VOPP1: variants seen among roughly 807,000 people sequenced by gnomAD.
VOPP1 encodes VOPP1 WW domain binding protein.
In VOPP1, 8 loss-of-function variants were observed where a neutral mutation model predicts 23.5. The observed-to-expected ratio is 0.34, with a 90% CI of 0.20 to 0.61. The LOEUF (loss-of-function observed/expected upper bound fraction) is 0.61. Among genes scored for constraint, VOPP1 ranks in the 20% least tolerant of loss-of-function variants. The pLI, the probability that VOPP1 is intolerant of heterozygous loss-of-function variation, is 0.78. For missense variants in VOPP1, 174 were observed against 238.1 expected (o/e 0.73, Z 1.77); for synonymous variants, 83 against 97.3 (o/e 0.85, Z 0.86).
chr7:55,473,897 A>G (rs899111670), intron 4 of VOPP1, among the ~76,000 whole-genome samples: 3 of 152,144 alleles, frequency 2.0e-5, no homozygotes, highest in Non-Finnish European at 4.4e-5. Flanking sequence ...CCCTGTGTGA[A>G]TATTGTGTAG....
At chr7:55,466,720 T>G (rs145095191), downstream of VOPP1, among the ~76,000 whole-genome samples, 1 of 152,302 alleles carries the variant, frequency 6.6e-6, no homozygotes, top group East Asian at 1.9e-4. Context: ...CTCAAACTCT[T>G]GGGTTCAAGT....
rs1035909989 is a variant in VOPP1, at chr7:55,537,688, A to C, written c.55-16558T>G. The C allele has an allele frequency of 3.8e-5, 55 of 1,461,374 alleles. No homozygotes were observed. The African/African-American group carries it at 6.3e-4, about 17-fold the overall frequency. The allele number at this position is 1,461,374 out of a possible 1,614,324, so 90.5% of individuals were successfully genotyped here. On this transcript the variant is annotated intron_variant, in intron 1 of 4. Transcript: ENST00000285279. ...GTATCCTCCTCTGTTGAGTGGTGAGAACATCTACCATGGAGGACGCTACAA... is the reference window on the plus strand; with the variant it reads ...GTATCCTCCTCTGTTGAGTGGTGAGCACATCTACCATGGAGGACGCTACAA...
intron 2 of VOPP1, among the ~76,000 whole-genome samples, chr7:55,517,491 G>A (rs11238367): frequency 0.58 from 87,500 of 151,944 alleles, 27,663 homozygotes; most frequent in Non-Finnish European, 0.68. Context: ...AGGCCAGGCC[G>A]GCAGCAGTGT....
At chr7:55,514,450 T>C (rs2129036999) in intron 2 of VOPP1, among the ~76,000 whole-genome samples, 1 of 152,252 alleles carries the variant, frequency 6.6e-6, no homozygotes, top group South Asian at 2.1e-4. Flanking sequence ...TCCAGCCCCT[T>C]AAATATTTTC....
At chr7:55,559,628 A>G (rs550013906) in intron 1 of VOPP1, among the ~76,000 whole-genome samples, 2 of 152,240 alleles carry the variant, frequency 1.3e-5, no homozygotes, top group Non-Finnish European at 2.9e-5. Context: ...TGCAATTCAG[A>G]AAGTCAGAGA....
intron 2 of VOPP1, among the ~76,000 whole-genome samples, chr7:55,518,386 C>T (rs77208126): frequency 0.011 from 1,675 of 152,314 alleles, 11 homozygotes; most frequent in Middle Eastern, 0.02. Flanking sequence ...GAACTCTGCA[C>T]GAACATGATT....
intron 2 of VOPP1, among the ~76,000 whole-genome samples, chr7:55,500,656 C>T (rs1222495089): frequency 6.6e-6 from 1 of 152,224 alleles, no homozygotes; most frequent in Admixed American, 6.5e-5. Flanking sequence ...AAGAAGAACA[C>T]AGCTTACAGG....
At chr7:55,562,176 C>T in intron 1 of VOPP1, 3 of 680,242 alleles carry the variant, frequency 4.4e-6, no homozygotes, top group Non-Finnish European at 8.1e-6. Flanking sequence ...GAAAGCTTTC[C>T]AAGGGCGCTC....
chr7:55,451,449 A>T (rs1253330960), intron 4 of VOPP1, among the ~76,000 whole-genome samples: 1 of 152,242 alleles, frequency 6.6e-6, no homozygotes, highest in East Asian at 1.9e-4. Flanking sequence ...TATGAAGTGC[A>T]CAACAGCATT....
chr7:55,550,536 T>A (rs1015521432), intron 1 of VOPP1, among the ~76,000 whole-genome samples: 2 of 152,238 alleles, frequency 1.3e-5, no homozygotes, highest in Non-Finnish European at 2.9e-5. Context: ...GCATTCTATT[T>A]CTAGAAATCC....
intron 4 of VOPP1, among the ~76,000 whole-genome samples, chr7:55,490,172 G>A (rs1353733420): frequency 2.0e-5 from 3 of 152,082 alleles, no homozygotes; most frequent in Non-Finnish European, 4.4e-5. Context: ...TAGCACGGCC[G>A]ATGTGCTTCT....
chr7:55,500,662 AC>A (rs1225697637), intron 2 of VOPP1, among the ~76,000 whole-genome samples: 1 of 152,262 alleles, frequency 6.6e-6, no homozygotes, highest in Non-Finnish European at 1.5e-5. Flanking sequence ...AACACAGCTT[AC>A]AGGTTATGAG....
intron 4 of VOPP1, among the ~76,000 whole-genome samples, chr7:55,491,173 C>T (rs920568387): frequency 2.0e-5 from 3 of 152,218 alleles, no homozygotes; most frequent in East Asian, 1.9e-4. Context: ...ATAAACATCT[C>T]TATTACCTAC....
At chr7:55,521,890 C>T in intron 1 of VOPP1, 1 of 985,706 alleles carries the variant, frequency 1.0e-6, no homozygotes, top group Non-Finnish European at 1.2e-6. Flanking sequence ...CTCTTCCCAT[C>T]TGAACAAGGC....
At chr7:55,531,483 G>C (rs1398090357) in intron 1 of VOPP1, among the ~76,000 whole-genome samples, 2 of 151,622 alleles carry the variant, frequency 1.3e-5, no homozygotes, top group African/African-American at 4.9e-5. Context: ...CCAAGTAGCT[G>C]GGATTACAGG....
chr7:55,528,239 A>AT (rs912112086), intron 1 of VOPP1, among the ~76,000 whole-genome samples: 9 of 152,170 alleles, frequency 5.9e-5, no homozygotes, highest in African/African-American at 2.2e-4. Context: ...CTAGAATTGT[A>AT]TTTTTTGTTA....
chr7:55,492,500 A>T, intron 3 of VOPP1, 82 bp from the exon 4 acceptor site: 4 of 1,463,178 alleles, frequency 2.7e-6, no homozygotes, highest in Non-Finnish European at 3.6e-6. Context: ...GGCCTCATGC[A>T]CTCCTCGGGG....
intron 4 of VOPP1, among the ~76,000 whole-genome samples, chr7:55,460,775 A>G (rs1791479870): frequency 6.6e-6 from 1 of 151,916 alleles, no homozygotes; most frequent in African/African-American, 2.4e-5. Flanking sequence ...TTTATCAGAT[A>G]TAACTATAGC....
At chr7:55,446,380 T>C (rs894804702) in intron 4 of VOPP1, among the ~76,000 whole-genome samples, 3 of 152,236 alleles carry the variant, frequency 2.0e-5, no homozygotes, top group African/African-American at 7.2e-5. Flanking sequence ...TGGGAAGTCC[T>C]GTGTGCCCTG....
Sources: allele counts gnomAD v4.1 joint callset (sites outside exome capture counted in the v4.1 genomes callset), GRCh38; gene constraint gnomAD v4.1.1; transcripts MANE v1.5; gene names NCBI Gene and HGNC (gene_info 2026-07-23, HGNC 2026-07-21).